Variants in UBXN2B observed in about 807,000 individuals in gnomAD.
UBXN2B encodes the protein UBX domain protein 2B.
UBXN2B carries 19 observed loss-of-function variants against 37.5 expected under a neutral mutation model. That is an observed-to-expected ratio of 0.51 (90% CI 0.35 to 0.74). UBXN2B has a LOEUF of 0.74. Among genes scored for constraint, UBXN2B ranks in the 30% least tolerant of loss-of-function variants. UBXN2B has a pLI of 0.01. For synonymous variants in UBXN2B, 145 were observed against 143.8 expected, an observed-to-expected ratio of 1.01 and a Z score of -0.06; for missense variants, 370 against 393.2, an observed-to-expected ratio of 0.94 and a Z score of 0.50.
intron 7 of UBXN2B, 66 bp from the exon 8 acceptor site, chr8:58,447,323 C>A: frequency 7.2e-7 from 1 of 1,398,538 alleles, no homozygotes; most frequent in Admixed American, 2.3e-5. Context: ...TATTATGATT[C>A]AGTTTTAAGT....
rs941825367 is a variant in UBXN2B, at chr8:58,448,743, C to T, written c.*1192C>T. On this transcript the variant is annotated 3_prime_UTR_variant, in exon 8 of 8. Coordinates refer to ENST00000399598, the MANE Select transcript of UBXN2B (RefSeq NM_001077619.2). ...ATTACCAGCATAAATGTTTGCATTT[C>T]TGCTGAAGCCAGAAGCTTTTCCTTC... 6.6e-6 allele frequency: 1 copy of T among 152,574 alleles called. No individual in the cohort carries two copies. The highest frequency in any genetic ancestry group is 1.5e-5 in the Non-Finnish European group (1 of 68,016). The allele number at this position is 152,574 out of a possible 1,614,324, so 9.5% of individuals were successfully genotyped here. A position where few individuals can be genotyped will look rare whatever the true frequency, so the allele number is the denominator to read the frequency against.
intron 2 of UBXN2B, among the ~76,000 whole-genome samples, chr8:58,422,992 C>T (rs746358354): frequency 1.3e-5 from 2 of 152,218 alleles, no homozygotes; most frequent in Non-Finnish European, 2.9e-5. Context: ...TGCACCTCTA[C>T]TTCACACCCT....
intron 2 of UBXN2B, among the ~76,000 whole-genome samples, chr8:58,417,281 G>A (rs1295900171): frequency 6.6e-6 from 1 of 152,068 alleles, no homozygotes; most frequent in Admixed American, 6.5e-5. Context: ...TTGAGTCATA[G>A]GACTCATTAA....
intron 5 of UBXN2B, among the ~76,000 whole-genome samples, chr8:58,437,754 C>T (rs540737444): frequency 9.7e-4 from 147 of 152,154 alleles, no homozygotes; most frequent in African/African-American, 3.1e-3. Flanking sequence ...AAGCAGAGCC[C>T]GTTGAAGTTT....
At chr8:58,439,898 G>T in intron 6 of UBXN2B, 128 bp downstream of exon 6, 1 of 718,788 alleles carries the variant, frequency 1.4e-6, no homozygotes, top group Non-Finnish European at 2.1e-6. Flanking sequence ...ATATACATCT[G>T]TTAATATTAT....
intron 2 of UBXN2B, chr8:58,425,280 C>G: frequency 2.6e-6 from 3 of 1,145,504 alleles, no homozygotes; most frequent in East Asian, 2.3e-5. Flanking sequence ...CACATTTACT[C>G]TATCCTCTCT....
chr8:58,422,344 A>T (rs182843089), intron 2 of UBXN2B, among the ~76,000 whole-genome samples: 1 of 152,240 alleles, frequency 6.6e-6, no homozygotes, highest in African/African-American at 2.4e-5. Flanking sequence ...AGGAACTACT[A>T]CCAGGGCTGG....
At position 58,411,413 on chromosome 8, in the gene UBXN2B, G is replaced by T. The variant is rs928432922; in HGVS notation, c.28G>T (p.Gly10Cys). The T allele has an allele frequency of 3.9e-6, 5 of 1,270,712 alleles. No individual in the cohort carries two copies. The highest frequency in any genetic ancestry group is 5.0e-6 in the Non-Finnish European group (5 of 1,002,936). 78.7% of individuals were successfully genotyped at this position (1,270,712 alleles called of 1,614,324 possible). ...GGCGGAGGGCGGAGGCCCTGAGCCC[G>T]GCGAGCAGGAGAGGAGGTCTTCCGG... Reference protein sequence around the residue: MAEGGGPEPGEQERRSSGPR... With the variant: MAEGGGPEPCEQERRSSGPR... Residue 10 changes from glycine (G) to cysteine (C), a missense_variant, in exon 1 of 8, where the codon GGC becomes TGC. Around this residue, in one of 3 missense-constraint regions of UBXN2B, gnomAD observed 197 missense variants for 170.2 expected, o/e 1.16. Coordinates refer to ENST00000399598, the MANE Select transcript of UBXN2B (RefSeq NM_001077619.2).
rs368491287 is a variant in UBXN2B, at chr8:58,424,690, G to T, written c.189-5829G>T. The T allele has an allele frequency of 6.1e-5, 80 of 1,321,538 alleles. 1 individual carries two copies. In the Middle Eastern group the frequency reaches 1.0e-3, roughly 17 times the overall value. The allele number at this position is 1,321,538 out of a possible 1,614,324, so 81.9% of individuals were successfully genotyped here. ...AGCGTGGAGTTGGAGTACAAGGCGG[G>T]GGGGGGGGCTCTGATCTCCACTCGT... On this transcript the variant is annotated intron_variant, in intron 2 of 7. Coordinates refer to ENST00000399598, the MANE Select transcript of UBXN2B (RefSeq NM_001077619.2).
At chr8:58,419,275 A>G (rs1442887848) in intron 2 of UBXN2B, among the ~76,000 whole-genome samples, 18 of 152,316 alleles carry the variant, frequency 1.2e-4, no homozygotes, top group Non-Finnish European at 4.4e-5. Context: ...CATATTCAAT[A>G]TCGAAATTTT....
intron 1 of UBXN2B, among the ~76,000 whole-genome samples, chr8:58,411,905 A>G (rs891903264): frequency 2.6e-5 from 4 of 152,138 alleles, no homozygotes; most frequent in Admixed American, 6.5e-5. Flanking sequence ...ACTTAAATAT[A>G]AAAATGGTTC....
chr8:58,446,085 A>G lies in UBXN2B; in HGVS notation c.833+17A>G. 6.3e-7 allele frequency: 1 copy of G among 1,597,690 alleles called. No homozygotes were observed. The highest frequency in any genetic ancestry group is 8.5e-7 in the Non-Finnish European group (1 of 1,174,264). On this transcript the variant is annotated intron_variant, in intron 7 of 7. Coordinates refer to ENST00000399598, the MANE Select transcript of UBXN2B (RefSeq NM_001077619.2). ...TACACACAGGTAAGCTTCTTTACCA[A>G]CAGTGTCCTGTTTGCTGTTATATAC...
Position 58,449,274 on chromosome 8 carries a change from G to A in UBXN2B, c.*1723G>A, listed in dbSNP as rs1808752200. 6.6e-6 allele frequency: 1 copy of A among 152,100 alleles called. No individual in the cohort carries two copies. Among genetic ancestry groups the A allele is most frequent in the South Asian group, 2.1e-4 (1 of 4,832 alleles). The allele number at this position is 152,100 out of a possible 1,614,324, so 9.4% of individuals were successfully genotyped here. A position where few individuals can be genotyped will look rare whatever the true frequency, so the allele number is the denominator to read the frequency against. On this transcript the variant is annotated 3_prime_UTR_variant, in exon 8 of 8. Coordinates refer to ENST00000399598, the MANE Select transcript of UBXN2B (RefSeq NM_001077619.2). ...GATTAGGACATTAACATTTTACATG[G>A]AACATTATTCTTGCCTACTACAGTT...
chr8:58,430,577 A>G lies in UBXN2B; in HGVS notation c.247A>G (p.Lys83Glu). 1.2e-6 allele frequency: 2 copies of G among 1,606,692 alleles called. No individual in the cohort carries two copies. The highest frequency in any genetic ancestry group is 1.7e-6 in the Non-Finnish European group (2 of 1,175,852). ...GLNIVRPSTG[K>E]IVNELFKEAR... is the part of the protein sequence containing the mutation. Reference sequence around the variant, plus strand: ...AAATATAGTTCGACCTTCAACTGGGAAAATTGTGAATGAACTTTTCAAAGA... The same window carrying G: ...AAATATAGTTCGACCTTCAACTGGGGAAATTGTGAATGAACTTTTCAAAGA... The change falls in exon 3 of 8, where the codon AAA (lysine) becomes GAA (glutamate). Residue 83 changes from lysine to glutamate, a missense_variant. Lys to Glu is a moderately conservative substitution (Grantham distance 56, BLOSUM62 1). Transcript: ENST00000399598.
At position 58,449,241 on chromosome 8, in the gene UBXN2B, G is replaced by T. The variant is rs561541937; in HGVS notation, c.*1690G>T. 1 of 152,102 alleles carries T rather than the reference G, an allele frequency of 6.6e-6. No individual in the cohort carries two copies. The highest frequency in any genetic ancestry group is 2.1e-4 in the South Asian group (1 of 4,820). The allele number at this position is 152,102 out of a possible 1,614,324, so 9.4% of individuals were successfully genotyped here. A position where few individuals can be genotyped will look rare whatever the true frequency, so the allele number is the denominator to read the frequency against. ...CTTTTACCATCTAAGGTTACATACA[G>T]GTTTGGAGATTAGGACATTAACATT... On this transcript the variant is annotated 3_prime_UTR_variant, in exon 8 of 8. Transcript: ENST00000399598.
In UBXN2B at chr8:58,421,112, A is replaced by G. The variant is rs915702751; in HGVS notation, c.188+4159A>G. Reference sequence around the variant, plus strand: ...CCCTGAACTAAAAATAACTCAAGATATTATTAGTTTTAAAATCCCCAATAA... The same window carrying G: ...CCCTGAACTAAAAATAACTCAAGATGTTATTAGTTTTAAAATCCCCAATAA... On this transcript the variant is annotated intron_variant, in intron 2 of 7. Transcript: ENST00000399598. 2.5e-4 allele frequency among the ~76,000 whole-genome samples: 38 copies of G among 152,316 alleles called. 1 individual carries two copies. Among genetic ancestry groups the G allele is most frequent in the South Asian group, 2.1e-4 (1 of 4,826 alleles).
chr8:58,425,618 C>G, intron 2 of UBXN2B: 1 of 1,120,328 alleles, frequency 8.9e-7, no homozygotes, highest in Non-Finnish European at 1.4e-6. Context: ...TGTAGTGTCT[C>G]AAATTCTTCC....
intron 5 of UBXN2B, among the ~76,000 whole-genome samples, chr8:58,437,294 T>C (rs1274970123): frequency 6.6e-6 from 1 of 150,522 alleles, no homozygotes; most frequent in African/African-American, 2.5e-5. Flanking sequence ...AGTGATGATC[T>C]AGGGTACCTG....
chr8:58,436,464 C>T (rs1808414236), intron 5 of UBXN2B, among the ~76,000 whole-genome samples: 1 of 152,192 alleles, frequency 6.6e-6, no homozygotes, highest in Non-Finnish European at 1.5e-5. Context: ...TCTCCTGTTG[C>T]AGTGCATCTG....
Sources: gnomAD v4.1 joint callset for allele counts (sites outside exome capture counted in the v4.1 genomes callset) on GRCh38, gnomAD v4.1.1 for gene constraint, gnomAD v4.1.1 regional missense constraint, MANE v1.5 for transcripts, NCBI Gene and HGNC (gene_info 2026-07-23, HGNC 2026-07-21) for gene names.